BPIFB6: variants seen among roughly 807,000 people sequenced by gnomAD.
BPIFB6 encodes the protein BPI fold containing family B member 6.
In BPIFB6, 47 loss-of-function variants were observed where a neutral mutation model predicts 54.7. The observed-to-expected ratio is 0.86, with a 90% CI of 0.68 to 1.10. The LOEUF is 1.10. Among genes scored for constraint, BPIFB6 ranks in the 50% least tolerant of loss-of-function variants. The pLI, the probability that BPIFB6 is intolerant of heterozygous loss-of-function variation, is 0.00. For synonymous variants in BPIFB6, 255 were observed against 225.9 expected, an observed-to-expected ratio of 1.13 and a Z score of -1.16; for missense variants, 603 against 564.1, an observed-to-expected ratio of 1.07 and a Z score of -0.70.
rs1010118734 is a variant in BPIFB6 at position 33,033,837 on chromosome 20, C to G, written c.198-349C>G. Among the ~76,000 whole-genome samples, 6 of 152,224 alleles carry G rather than the reference C, an allele frequency of 3.9e-5. No individual in the cohort carries two copies. In the South Asian group the frequency reaches 1.2e-3, roughly 32 times the overall value. On this transcript the variant is annotated intron_variant, in intron 2 of 14. Coordinates refer to ENST00000349552, the MANE Select transcript of BPIFB6 (RefSeq NM_174897.2). ...AGCCTCATGACAAAGAATTATCCTGCCCAAAATGTGGATAGTGCCACTTTT... is the reference window on the plus strand; with the variant it reads ...AGCCTCATGACAAAGAATTATCCTGGCCAAAATGTGGATAGTGCCACTTTT...
intron 8 of BPIFB6, among the ~76,000 whole-genome samples, chr20:33,038,103 A>G (rs1244402969): frequency 1.3e-5 from 2 of 152,082 alleles, no homozygotes; most frequent in Non-Finnish European, 2.9e-5. Context: ...GCATCCATCC[A>G]TCCCTTCATA....
chr20:33,037,833 G>A (rs550567397), intron 8 of BPIFB6, 95 bp downstream of exon 8: 3 of 1,387,680 alleles, frequency 2.2e-6, no homozygotes, highest in Non-Finnish European at 2.0e-6. Context: ...CTGGCCTTGT[G>A]GGCAACACTA....
At position 33,041,872 on chromosome 20, in the gene BPIFB6, C is replaced by T. The variant is rs547382680; in HGVS notation, c.1143-98C>T. ...AGAGGGGACTCCTGCATCAGGGAGG[C>T]GTTGGGGTGCTTGGGACCCCCTTCT... On this transcript the variant is annotated intron_variant, in intron 11 of 14. Coordinates refer to ENST00000349552, the MANE Select transcript of BPIFB6 (RefSeq NM_174897.2). The T allele has an allele frequency of 6.4e-5, 68 of 1,069,922 alleles. 2 individuals carry two copies. Among genetic ancestry groups the T allele is most frequent in the South Asian group, 6.2e-4 (45 of 72,920 alleles). 66.3% of individuals were successfully genotyped at this position (1,069,922 alleles called of 1,614,324 possible).
At chr20:33,042,950 G>A (rs1979653302) in intron 13 of BPIFB6, 72 bp downstream of exon 13, 3 of 1,447,750 alleles carry the variant, frequency 2.1e-6, no homozygotes, top group Non-Finnish European at 1.9e-6. Context: ...CCACCTGGGT[G>A]GTCTCAAAGC....
At chr20:33,032,272 C>T (rs1386507046) in intron 1 of BPIFB6, among the ~76,000 whole-genome samples, 1 of 152,228 alleles carries the variant, frequency 6.6e-6, no homozygotes, top group Non-Finnish European at 1.5e-5. Flanking sequence ...AACCGAGTCA[C>T]ATCCAGGTAC....
chr20:33,032,831 C>T (rs1053275946), intron 1 of BPIFB6, among the ~76,000 whole-genome samples, 153 bp from the exon 2 acceptor site: 5 of 152,170 alleles, frequency 3.3e-5, no homozygotes, highest in African/African-American at 1.2e-4. Context: ...CTGGTGACTC[C>T]ATCTTCCCCC....
In BPIFB6 at chr20:33,034,803, A is replaced by T; in HGVS notation, c.343A>T (p.Ile115Phe). 6.2e-7 allele frequency: 1 copy of T among 1,613,782 alleles called. No individual in the cohort carries two copies. Among genetic ancestry groups the T allele is most frequent in the Non-Finnish European group, 8.5e-7 (1 of 1,179,780 alleles). ...CATGGAGATCATCGTGGCCCTGAAC[A>T]TCACAGCCACCAACCGGCTTCTGCG... The part of the protein sequence containing the change: ...GNMEIIVALN[I>F]TATNRLLRDE... The change falls in exon 4 of 15, where the codon ATC becomes TTC. Residue 115 changes from isoleucine to phenylalanine, a missense_variant. Ile to Phe is a conservative substitution (Grantham distance 21). Coordinates refer to ENST00000349552, the MANE Select transcript of BPIFB6 (RefSeq NM_174897.2).
chr20:33,034,436 C>G (rs1194633178), intron 3 of BPIFB6, 146 bp downstream of exon 3: 10 of 692,116 alleles, frequency 1.4e-5, no homozygotes, highest in Non-Finnish European at 2.6e-5. Context: ...TTGTCAGGAA[C>G]CAGACCTAAG....
chr20:33,043,441 C>T (rs1367030494), intron 14 of BPIFB6, 74 bp downstream of exon 14: 2 of 1,405,656 alleles, frequency 1.4e-6, no homozygotes, highest in African/African-American at 1.4e-5. Flanking sequence ...GAGCCTACCT[C>T]TCTCAAACTG....
chr20:33,039,327 A>G lies in BPIFB6; in HGVS notation c.901-20A>G. 1 of 1,591,366 alleles carries G rather than the reference A, an allele frequency of 6.3e-7. No individual in the cohort carries two copies. Among genetic ancestry groups the G allele is most frequent in the African/African-American group, 1.4e-5 (1 of 73,672 alleles). ...CCAGTCTAAGGACTGGCCCTGAGTG[A>G]AGTGTTCTGGTTTCTGTAGGTGGCT... On this transcript the variant is annotated intron_variant, in intron 9 of 14. Transcript: ENST00000349552.
chr20:33,032,275 C>T (rs1979136144), intron 1 of BPIFB6, among the ~76,000 whole-genome samples: 1 of 152,186 alleles, frequency 6.6e-6, no homozygotes, highest in South Asian at 2.1e-4. Flanking sequence ...CGAGTCACAT[C>T]CAGGTACAAA....
chr20:33,033,598 G>A (rs1360752016), intron 2 of BPIFB6: 2 of 456,856 alleles, frequency 4.4e-6, no homozygotes, highest in South Asian at 3.1e-5. Flanking sequence ...CAAGAGCTCA[G>A]GATGGGCAAG....
At chr20:33,032,402 GA>G (rs1979142244) in intron 1 of BPIFB6, among the ~76,000 whole-genome samples, 1 of 152,084 alleles carries the variant, frequency 6.6e-6, no homozygotes, top group South Asian at 2.1e-4. Flanking sequence ...CAGGTTTGGG[GA>G]ATCAGAATTT....
Position 33,032,979 on chromosome 20 carries a change from T to G in BPIFB6, c.98-5T>G. ...AATCTCTCCAACTAAGTGTCTCCAC[T>G]CCAGAGGTCCAGAGCGCCATGGATG... On this transcript the variant is annotated splice_region_variant and splice_polypyrimidine_tract_variant and intron_variant, in intron 1 of 14. Coordinates refer to ENST00000349552, the MANE Select transcript of BPIFB6 (RefSeq NM_174897.2). 1 of 1,612,656 alleles carries G rather than the reference T, an allele frequency of 6.2e-7. No individual in the cohort carries two copies. The highest frequency in any genetic ancestry group is 1.3e-5 in the African/African-American group (1 of 74,990).
chr20:33,043,238 C>A (rs1273856988), intron 13 of BPIFB6, 53 bp from the exon 14 acceptor site: 1 of 1,536,268 alleles, frequency 6.5e-7, no homozygotes, highest in African/African-American at 1.4e-5. Flanking sequence ...GCTGCCACTC[C>A]TTAATCAACT....
intron 7 of BPIFB6, among the ~76,000 whole-genome samples, chr20:33,036,818 A>G (rs1979362513): frequency 6.6e-6 from 1 of 152,146 alleles, no homozygotes; most frequent in Non-Finnish European, 1.5e-5. Context: ...TGAAGCAAAT[A>G]TTGTCCCCAG....
chr20:33,040,414 A>G lies in BPIFB6; in HGVS notation c.1142+96A>G, dbSNP rs954360415. On this transcript the variant is annotated intron_variant, in intron 11 of 14. Transcript: ENST00000349552. Reference sequence around the variant, plus strand: ...ACACTACCGAGCTGATCCACCCAGCACACCCCCAACTACCAGGCTGCTCTA... The same window carrying G: ...ACACTACCGAGCTGATCCACCCAGCGCACCCCCAACTACCAGGCTGCTCTA... 8.8e-6 allele frequency: 10 copies of G among 1,141,110 alleles called. No homozygotes were observed. The African/African-American group carries it at 1.5e-4, about 17-fold the overall frequency. The allele number at this position is 1,141,110 out of a possible 1,614,324, so 70.7% of individuals were successfully genotyped here. A position where few individuals can be genotyped will look rare whatever the true frequency, so the allele number is the denominator to read the frequency against.
chr20:33,035,786 G>A (rs1600524217), intron 6 of BPIFB6, 114 bp downstream of exon 6: 1 of 1,079,588 alleles, frequency 9.3e-7, no homozygotes, highest in Non-Finnish European at 1.4e-6. Flanking sequence ...TGGGACTAGA[G>A]GAGGCTTGAG....
rs766579505 is a variant in BPIFB6 at position 33,042,063 on chromosome 20, G to C, written c.1188+48G>C. ...CCTGTCCGGCGTGAGGACAAGACTG[G>C]GCCTATTCTCCCTCGGAACTACAGG... On this transcript the variant is annotated intron_variant, in intron 12 of 14. Transcript: ENST00000349552. The C allele has an allele frequency of 4.4e-6, 7 of 1,577,002 alleles. No individual in the cohort carries two copies. The South Asian group carries it at 6.7e-5, about 15-fold the overall frequency.
Sources: allele counts gnomAD v4.1 joint callset (sites outside exome capture counted in the v4.1 genomes callset), GRCh38; gene constraint gnomAD v4.1.1; transcripts MANE v1.5; gene names NCBI Gene and HGNC (gene_info 2026-07-23, HGNC 2026-07-21).